The following ARHGAP32 variants were observed in gnomAD, a reference collection of about 807,000 sequenced individuals.
ARHGAP32 encodes the protein rho GTPase-activating protein 32.
A neutral mutation model predicts 186.5 loss-of-function variants in ARHGAP32; 51 were observed. The ratio of observed to expected loss-of-function variants is 0.27; its 90% CI spans 0.22 to 0.35. ARHGAP32 has a LOEUF of 0.35. Ranked by LOEUF, ARHGAP32 falls within the 10% of genes least tolerant of loss-of-function variation. The probability of loss-of-function intolerance (pLI) is 1.00; values close to 1 mark genes in which losing one functional copy is unlikely to be tolerated. For missense variants in ARHGAP32, 2,186 were observed against 2,623.5 expected (o/e 0.83, Z 3.64); for synonymous variants, 950 against 964.3 (o/e 0.99, Z 0.27).
intron 5 of ARHGAP32, among the ~76,000 whole-genome samples, chr11:129,115,014 G>A (rs1334210625): frequency 2.6e-5 from 4 of 152,196 alleles, no homozygotes; most frequent in African/African-American, 9.6e-5. Context: ...ATTGCAAATG[G>A]AACACGGAAA....
rs112968293 is a variant in ARHGAP32 at position 129,066,400 on chromosome 11, C to T, written c.669+331G>A. Among the ~76,000 whole-genome samples the T allele has an allele frequency of 8.1e-3, 1,234 of 152,114 alleles. 4 individuals carry two copies. The highest frequency in any genetic ancestry group is 0.013 in the Non-Finnish European group (885 of 67,956). Reference sequence around the variant, plus strand: ...GCATGCTGTCATAAACTACTCAACACTGTTAATATGGATCCCTTTGATCAT... The same window carrying T: ...GCATGCTGTCATAAACTACTCAACATTGTTAATATGGATCCCTTTGATCAT... On this transcript the variant is annotated intron_variant, in intron 7 of 22. Transcript: ENST00000682385.
chr11:128,981,494 C>T lies in ARHGAP32; in HGVS notation c.1702G>A (p.Val568Met). ...TGATTCAGGATGAACTCAACAACCA[C>T]AGACTGAATCCTCACTTCCATGAAA... The part of the protein sequence containing the change: ...AAFMEVRIQS[V>M]VVEFILNHVD... The change falls in exon 17 of 23, where the codon GTG becomes ATG. Residue 568 changes from valine to methionine, a missense_variant. Physicochemically the swap from Val to Met is conservative, Grantham distance 21. Around this residue, in one of 5 missense-constraint regions of ARHGAP32, gnomAD observed 308 missense variants for 596.5 expected, o/e 0.52. Coordinates refer to ENST00000682385, the MANE Select transcript of ARHGAP32 (RefSeq NM_001378024.1). 1 of 1,614,084 alleles carries T rather than the reference C, an allele frequency of 6.2e-7. No homozygotes were observed. The highest frequency in any genetic ancestry group is 8.5e-7 in the Non-Finnish European group (1 of 1,179,956).
chr11:129,111,205 CTGATG>C (rs1422608223), intron 5 of ARHGAP32, among the ~76,000 whole-genome samples: 1 of 152,108 alleles, frequency 6.6e-6, no homozygotes, highest in Non-Finnish European at 1.5e-5. Flanking sequence ...TTTCAGTCGG[CTGATG>C]TGATGTATCA....
chr11:129,273,282 AC>A (rs1212772716), intron 1 of ARHGAP32, among the ~76,000 whole-genome samples: 1 of 152,204 alleles, frequency 6.6e-6, no homozygotes, highest in Non-Finnish European at 1.5e-5. Context: ...GGCAGGAGAC[AC>A]ACAGATGTAC....
intron 2 of ARHGAP32, among the ~76,000 whole-genome samples, chr11:129,158,181 A>AATG (rs1943453014): frequency 6.6e-6 from 1 of 152,170 alleles, no homozygotes; most frequent in Non-Finnish European, 1.5e-5. Flanking sequence ...CGGGCAAAAT[A>AATG]ACCAGCTAGC....
At chr11:129,004,245 CTTTTTTTTTT>C (rs71057919) in intron 11 of ARHGAP32, among the ~76,000 whole-genome samples, 8 of 116,384 alleles carry the variant, frequency 6.9e-5, no homozygotes, top group Non-Finnish European at 1.4e-4. Flanking sequence ...CAATGCTTTC[CTTTTTTTTTT>C]TTTTTTTTTT....
chr11:129,044,324 G>A (rs746961799), intron 10 of ARHGAP32, among the ~76,000 whole-genome samples: 8 of 152,072 alleles, frequency 5.3e-5, no homozygotes, highest in Non-Finnish European at 7.3e-5. Context: ...TATTAACTAC[G>A]GCAGCCTGTT....
At chr11:129,262,223 CAT>C (rs1490237486) in intron 1 of ARHGAP32, among the ~76,000 whole-genome samples, 1 of 152,128 alleles carries the variant, frequency 6.6e-6, no homozygotes, top group African/African-American at 2.4e-5. Flanking sequence ...TTCTGTCTCT[CAT>C]GTTTTTTTAA....
intron 11 of ARHGAP32, among the ~76,000 whole-genome samples, chr11:129,040,609 CTA>C (rs1491225561): frequency 2.6e-5 from 4 of 152,118 alleles, no homozygotes; most frequent in African/African-American, 9.7e-5. Context: ...CCTACAATTT[CTA>C]TGTTAGTTCT....
intron 1 of ARHGAP32, among the ~76,000 whole-genome samples, chr11:129,267,435 A>C (rs1426245652): frequency 1.3e-5 from 2 of 152,244 alleles, no homozygotes; most frequent in Admixed American, 1.3e-4. Context: ...GGTTATTATG[A>C]AGTTTTATTT....
intron 5 of ARHGAP32, among the ~76,000 whole-genome samples, chr11:129,095,476 T>C (rs1427041105): frequency 6.6e-6 from 1 of 152,022 alleles, no homozygotes; most frequent in Non-Finnish European, 1.5e-5. Context: ...GGATATCGGG[T>C]GAGTAAACCA....
intron 6 of ARHGAP32, 77 bp from the exon 7 acceptor site, chr11:129,066,945 G>A: frequency 8.2e-7 from 1 of 1,215,586 alleles, no homozygotes; most frequent in Non-Finnish European, 1.1e-6. Flanking sequence ...ATTCTATAAT[G>A]TGATTTTATT....
intron 12 of ARHGAP32, among the ~76,000 whole-genome samples, chr11:128,993,016 C>T (rs1239106130): frequency 6.6e-6 from 1 of 152,114 alleles, no homozygotes; most frequent in Non-Finnish European, 1.5e-5. Flanking sequence ...AGGGACCACA[C>T]ATAAAAGAAT....
chr11:128,978,543 A>G (rs1945617272), intron 19 of ARHGAP32, among the ~76,000 whole-genome samples: 1 of 152,204 alleles, frequency 6.6e-6, no homozygotes, highest in South Asian at 2.1e-4. Context: ...TATATAATCT[A>G]TATAGTTTCC....
chr11:129,179,084 AACAAATTT>A (rs1160657658), intron 1 of ARHGAP32, among the ~76,000 whole-genome samples: 1 of 151,656 alleles, frequency 6.6e-6, no homozygotes, highest in Non-Finnish European at 1.5e-5. Context: ...AATGAACTCA[AACAAATTT>A]ACAAGAAAAA....
At chr11:129,169,204 C>A (rs1432157342) in intron 1 of ARHGAP32, among the ~76,000 whole-genome samples, 10 of 151,798 alleles carry the variant, frequency 6.6e-5, no homozygotes, top group Non-Finnish European at 4.4e-5. Context: ...AAAACAAAGC[C>A]AAAGGTTGAT....
chr11:129,230,496 T>G (rs953426628), intron 1 of ARHGAP32, among the ~76,000 whole-genome samples: 19 of 152,220 alleles, frequency 1.2e-4, no homozygotes, highest in Non-Finnish European at 8.8e-5. Flanking sequence ...ATATTTACTG[T>G]TTTATTCTAC....
At chr11:129,228,873 T>C (rs1293315776) in intron 1 of ARHGAP32, among the ~76,000 whole-genome samples, 1 of 152,096 alleles carries the variant, frequency 6.6e-6, no homozygotes, top group Non-Finnish European at 1.5e-5. Context: ...TAAAATTAAA[T>C]GTAAAAAAAG....
intron 1 of ARHGAP32, among the ~76,000 whole-genome samples, chr11:129,174,727 G>C (rs1413323084): frequency 2.6e-5 from 4 of 152,114 alleles, no homozygotes; most frequent in South Asian, 2.1e-4. Flanking sequence ...CTGCAGCTGA[G>C]GATCCTGTCT....
Sources: gnomAD v4.1 joint callset for allele counts (sites outside exome capture counted in the v4.1 genomes callset) on GRCh38, gnomAD v4.1.1 for gene constraint, gnomAD v4.1.1 regional missense constraint, MANE v1.5 for transcripts, NCBI Gene and HGNC (gene_info 2026-07-23, HGNC 2026-07-21) for gene names.